Variants in GRAMD1B observed in about 807,000 individuals in gnomAD.
GRAMD1B encodes the protein GRAM domain containing 1B.
Under a neutral mutation model 99.7 loss-of-function variants are expected in GRAMD1B, and 37 were observed. The ratio of observed to expected loss-of-function variants is 0.37; its 90% CI spans 0.29 to 0.49. The LOEUF is 0.49. GRAMD1B is among the 20% of genes least tolerant of loss of function. The probability of loss-of-function intolerance (pLI) is 0.98; values close to 1 mark genes in which losing one functional copy is unlikely to be tolerated. For missense variants in GRAMD1B, 888 were observed against 1,009.2 expected (o/e 0.88, Z 1.63); for synonymous variants, 427 against 387.6 (o/e 1.10, Z -1.19).
chr11:123,539,017 A>G (rs990151189), intron 2 of GRAMD1B, among the ~76,000 whole-genome samples: 5 of 152,060 alleles, frequency 3.3e-5, no homozygotes, highest in African/African-American at 9.7e-5. Context: ...TCCAAGTTGT[A>G]GCATGTATCA....
intron 2 of GRAMD1B, among the ~76,000 whole-genome samples, chr11:123,503,696 G>A (rs1051603774): frequency 1.1e-4 from 17 of 151,902 alleles, no homozygotes; most frequent in Admixed American, 8.5e-4. Context: ...ACAGGCATGC[G>A]CCACCACACC....
chr11:123,401,181 T>C (rs1947647051), intron 1 of GRAMD1B, among the ~76,000 whole-genome samples: 1 of 152,178 alleles, frequency 6.6e-6, no homozygotes, highest in Non-Finnish European at 1.5e-5. Context: ...TATGATGAAA[T>C]TGTTTCAACA....
At chr11:123,469,749 C>A (rs1390671346) in intron 1 of GRAMD1B, among the ~76,000 whole-genome samples, 1 of 136,492 alleles carries the variant, frequency 7.3e-6, no homozygotes, top group Non-Finnish European at 1.6e-5. Context: ...CTCTTTCTTT[C>A]TTTCTTTCCT....
At chr11:123,595,162 A>G (rs77998875) in intron 6 of GRAMD1B, among the ~76,000 whole-genome samples, 3,908 of 152,244 alleles carry the variant, frequency 0.026, 158 homozygotes, top group African/African-American at 0.088. Flanking sequence ...TTGGGACTTT[A>G]AAGAACCGGC....
At position 123,535,687 on chromosome 11, in the gene GRAMD1B, A is replaced by G. The variant is rs189560148; in HGVS notation, c.453-41680A>G. Reference sequence around the variant, plus strand: ...AGTGATTACAAAAAAATTGTGAAATATATCATGCATACACAAAAATGTATA... The same window carrying G: ...AGTGATTACAAAAAAATTGTGAAATGTATCATGCATACACAAAAATGTATA... On this transcript the variant is annotated intron_variant, in intron 2 of 19. Coordinates refer to ENST00000635736, the MANE Select transcript of GRAMD1B (RefSeq NM_001387025.1). Among the ~76,000 whole-genome samples, 10 of 146,584 alleles carry G rather than the reference A, an allele frequency of 6.8e-5. No homozygotes were observed. The East Asian group carries it at 1.9e-3, about 28-fold the overall frequency.
intron 7 of GRAMD1B, among the ~76,000 whole-genome samples, chr11:123,599,669 C>T (rs934633270): frequency 6.6e-6 from 1 of 152,210 alleles, no homozygotes; most frequent in Non-Finnish European, 1.5e-5. Context: ...GGCAGGGTTT[C>T]GCCATGTTGG....
At chr11:123,592,911 T>C (rs1032373411) in intron 4 of GRAMD1B, among the ~76,000 whole-genome samples, 3 of 152,116 alleles carry the variant, frequency 2.0e-5, no homozygotes, top group Non-Finnish European at 2.9e-5. Context: ...TTAGTTTCTT[T>C]TTTATTTTAT....
intron 2 of GRAMD1B, among the ~76,000 whole-genome samples, chr11:123,577,138 G>C (rs1190351472): frequency 6.6e-6 from 1 of 152,232 alleles, no homozygotes; most frequent in African/African-American, 2.4e-5. Flanking sequence ...TTGCCCGTTG[G>C]CTCGTGCGTC....
intron 1 of GRAMD1B, among the ~76,000 whole-genome samples, chr11:123,475,666 G>A (rs140628965): frequency 5.7e-4 from 87 of 152,312 alleles, no homozygotes; most frequent in African/African-American, 1.9e-3. Context: ...TCCTAGTTTA[G>A]AGTTTCTTTT....
At chr11:123,465,323 G>A (rs750445392) in intron 1 of GRAMD1B, among the ~76,000 whole-genome samples, 3 of 152,148 alleles carry the variant, frequency 2.0e-5, no homozygotes, top group African/African-American at 2.4e-5. Context: ...ATTTCCAGAA[G>A]CCTAACAGAA....
chr11:123,598,449 C>T, intron 7 of GRAMD1B: 1 of 984,864 alleles, frequency 1.0e-6, no homozygotes, highest in Non-Finnish European at 1.6e-6. Context: ...TCGCTGTTCT[C>T]CGAGAATCTC....
chr11:123,457,232 C>T (rs1317862814), intron 1 of GRAMD1B, among the ~76,000 whole-genome samples: 2 of 151,786 alleles, frequency 1.3e-5, no homozygotes, highest in Non-Finnish European at 2.9e-5. Context: ...AAATGATAAC[C>T]TGGAAAGAGA....
chr11:123,372,715 G>A (rs1383996139), intron 1 of GRAMD1B, among the ~76,000 whole-genome samples: 3 of 152,068 alleles, frequency 2.0e-5, no homozygotes, highest in East Asian at 1.9e-4. Flanking sequence ...GAAATAATTC[G>A]AGCAGGTAAA....
chr11:123,391,531 A>G (rs1426320826), intron 1 of GRAMD1B, among the ~76,000 whole-genome samples: 1 of 152,122 alleles, frequency 6.6e-6, no homozygotes, highest in African/African-American at 2.4e-5. Flanking sequence ...ATCTCGGCTC[A>G]CTGCAACCTC....
At chr11:123,464,411 C>T (rs941094147) in intron 1 of GRAMD1B, among the ~76,000 whole-genome samples, 1 of 152,216 alleles carries the variant, frequency 6.6e-6, no homozygotes, top group Non-Finnish European at 1.5e-5. Flanking sequence ...TATCATTTCC[C>T]AATGCCAATT....
At position 123,523,107 on chromosome 11, in the gene GRAMD1B, G is replaced by A. The variant is rs539766475; in HGVS notation, c.452+42214G>A. Among the ~76,000 whole-genome samples, 15 of 152,228 alleles carry A rather than the reference G, an allele frequency of 9.9e-5. No homozygotes were observed. In the East Asian group the frequency reaches 2.5e-3, roughly 26 times the overall value. On this transcript the variant is annotated intron_variant, in intron 2 of 19. Transcript: ENST00000635736. Reference sequence around the variant, plus strand: ...AATACTTTGGGAGGCCGAGGTGGGCGAATCACCTGAGGTCAGGAGTTCAAG... The same window carrying A: ...AATACTTTGGGAGGCCGAGGTGGGCAAATCACCTGAGGTCAGGAGTTCAAG...
chr11:123,541,131 G>A (rs960544312), intron 2 of GRAMD1B, among the ~76,000 whole-genome samples: 2 of 151,950 alleles, frequency 1.3e-5, no homozygotes, highest in Non-Finnish European at 2.9e-5. Flanking sequence ...GTGCCACCAC[G>A]CCCTGCTAGT....
At chr11:123,363,006 G>A (rs568714989) in intron 1 of GRAMD1B, among the ~76,000 whole-genome samples, 7 of 152,132 alleles carry the variant, frequency 4.6e-5, no homozygotes, top group South Asian at 2.1e-4. Context: ...GGAGGGAGAG[G>A]AAACAGATGG....
intron 2 of GRAMD1B, among the ~76,000 whole-genome samples, chr11:123,513,084 A>G (rs569181209): frequency 1.3e-5 from 2 of 152,218 alleles, no homozygotes; most frequent in Admixed American, 6.5e-5. Context: ...AGTAACTTAC[A>G]TACAGTTTCA....
Sources: gnomAD v4.1 joint callset for allele counts (sites outside exome capture counted in the v4.1 genomes callset) on GRCh38, gnomAD v4.1.1 for gene constraint, MANE v1.5 for transcripts, NCBI Gene and HGNC (gene_info 2026-07-23, HGNC 2026-07-21) for gene names.